Variants in ZSWIM6 observed in about 807,000 individuals in gnomAD.
ZSWIM6 encodes zinc finger SWIM domain-containing protein 6.
A neutral mutation model predicts 113.2 loss-of-function variants in ZSWIM6; 9 were observed. The ratio of observed to expected loss-of-function variants is 0.08; its 90% CI spans 0.05 to 0.14. The LOEUF is 0.14. Ranked by LOEUF, ZSWIM6 falls within the 10% of genes least tolerant of loss-of-function variation. The pLI, the probability that ZSWIM6 is intolerant of heterozygous loss-of-function variation, is 1.00. For synonymous variants in ZSWIM6, 611 were observed against 606.5 expected, an observed-to-expected ratio of 1.01 and a Z score of -0.11; for missense variants, 1,162 against 1,552.2, an observed-to-expected ratio of 0.75 and a Z score of 4.22.
At chr5:61,343,550 T>C (rs1013314292) in intron 1 of ZSWIM6, among the ~76,000 whole-genome samples, 5 of 152,224 alleles carry the variant, frequency 3.3e-5, no homozygotes, top group African/African-American at 4.8e-5. Context: ...AGCATTTTTA[T>C]GAGTGTAGTA....
chr5:61,410,795 TG>T (rs1398621523), intron 1 of ZSWIM6, among the ~76,000 whole-genome samples: 1 of 152,232 alleles, frequency 6.6e-6, no homozygotes, highest in Admixed American at 6.5e-5. Context: ...CAGGAATATT[TG>T]ACAGATTGAA....
Position 61,494,413 on chromosome 5 carries a change from A to G in ZSWIM6, c.1333+3A>G. ...CAGGCAGCTCTGGGATGAGCTGGGTAAGCATGTTTCCTCACAAATTACCAT... is the reference window on the plus strand; with the variant it reads ...CAGGCAGCTCTGGGATGAGCTGGGTGAGCATGTTTCCTCACAAATTACCAT... On this transcript the variant is annotated splice_donor_region_variant and intron_variant, in intron 4 of 13. Coordinates refer to ENST00000252744, the MANE Select transcript of ZSWIM6 (RefSeq NM_020928.2). 4 of 1,550,750 alleles carry G rather than the reference A, an allele frequency of 2.6e-6. No individual in the cohort carries two copies. The highest frequency in any genetic ancestry group is 2.4e-5 in the East Asian group (1 of 40,908).
intron 3 of ZSWIM6, among the ~76,000 whole-genome samples, chr5:61,491,710 GTCA>G (rs1748181896): frequency 6.6e-6 from 1 of 152,026 alleles, no homozygotes; most frequent in East Asian, 1.9e-4. Flanking sequence ...TGGGGGTATA[GTCA>G]TCATTATGAT....
In ZSWIM6 at chr5:61,541,893, A is replaced by G; in HGVS notation, c.2713A>G (p.Met905Val). 1.9e-6 allele frequency: 3 copies of G among 1,551,148 alleles called. No individual in the cohort carries two copies. Among genetic ancestry groups the G allele is most frequent in the Non-Finnish European group, 2.6e-6 (3 of 1,146,282 alleles). ...TACCCTGTTTTTATAGGTTATGCGA[A>G]TGACACTGTCAACCTTAAATTGGCG... ...SLELGLQVMRMTLSTLNWRRR... is the reference protein window; with the variant it reads ...SLELGLQVMRVTLSTLNWRRR... The change falls in exon 13 of 14, where the codon ATG becomes GTG. Residue 905 changes from methionine to valine, a missense_variant. By Grantham distance (21) the Met-to-Val change is conservative. This residue lies in a region of ZSWIM6 where 620 missense variants were observed against 804.6 expected (regional missense o/e 0.77). Transcript: ENST00000252744.
chr5:61,507,625 A>G (rs997721642), intron 4 of ZSWIM6, among the ~76,000 whole-genome samples: 4 of 152,198 alleles, frequency 2.6e-5, no homozygotes, highest in South Asian at 2.1e-4. Context: ...TTTGCCTGTC[A>G]GTCCTGAAAA....
chr5:61,398,538 G>C (rs568531651), intron 1 of ZSWIM6, among the ~76,000 whole-genome samples: 8 of 152,284 alleles, frequency 5.3e-5, no homozygotes, highest in African/African-American at 1.7e-4. Context: ...GGAGCCTTAA[G>C]TTCTGCATTT....
At chr5:61,470,203 G>A (rs1288708940) in intron 1 of ZSWIM6, among the ~76,000 whole-genome samples, 1 of 152,208 alleles carries the variant, frequency 6.6e-6, no homozygotes, top group Non-Finnish European at 1.5e-5. Flanking sequence ...CATTGAGTTG[G>A]TTGGTGAAGA....
Position 61,525,940 on chromosome 5 carries a change from T to G in ZSWIM6, c.1654T>G (p.Ser552Ala). The G allele has an allele frequency of 6.4e-7, 1 of 1,552,096 alleles. No individual in the cohort carries two copies. Among genetic ancestry groups the G allele is most frequent in the East Asian group, 2.4e-5 (1 of 40,914 alleles). ...NYCYHDDTEN[S>A]LFDSRGWPLW... is the part of the protein sequence containing the mutation. Reference sequence around the variant, plus strand: ...CTGTTACCATGACGACACTGAAAACTCCCTCTTCGACTCCCGCGGGTGGCC... The same window carrying G: ...CTGTTACCATGACGACACTGAAAACGCCCTCTTCGACTCCCGCGGGTGGCC... The change falls in exon 6 of 14, where the codon TCC becomes GCC. Residue 552 changes from serine to alanine, a missense_variant. Coordinates refer to ENST00000252744, the MANE Select transcript of ZSWIM6 (RefSeq NM_020928.2).
At chr5:61,503,049 C>G (rs1748516301) in intron 4 of ZSWIM6, among the ~76,000 whole-genome samples, 1 of 152,132 alleles carries the variant, frequency 6.6e-6, no homozygotes, top group African/African-American at 2.4e-5. Flanking sequence ...TAGGGGAAGG[C>G]AAGATGGCAG....
chr5:61,385,082 T>G (rs1331554645), intron 1 of ZSWIM6, among the ~76,000 whole-genome samples: 1 of 152,046 alleles, frequency 6.6e-6, no homozygotes, highest in African/African-American at 2.4e-5. Flanking sequence ...TGGAGGAAAC[T>G]CCTGCAGTCC....
At chr5:61,425,472 C>T (rs1368428911) in intron 1 of ZSWIM6, among the ~76,000 whole-genome samples, 1 of 152,162 alleles carries the variant, frequency 6.6e-6, no homozygotes, top group Non-Finnish European at 1.5e-5. Flanking sequence ...AAGCACCATG[C>T]TTAGAAGACA....
chr5:61,472,613 G>C lies in ZSWIM6; in HGVS notation c.677-68G>C. ...GCTGTCAAGTCCCACACATTTCAAA[G>C]AATTAGAGCATTTCATAGCATCTGA... On this transcript the variant is annotated intron_variant, in intron 1 of 13. Transcript: ENST00000252744. The surrounding 1 kb of genome is among the most constrained non-coding windows in gnomAD (Gnocchi z 4.1). 7.9e-7 allele frequency: 1 copy of C among 1,267,342 alleles called. No individual in the cohort carries two copies. The highest frequency in any genetic ancestry group is 1.1e-6 in the Non-Finnish European group (1 of 940,348). The allele number at this position is 1,267,342 out of a possible 1,614,324, so 78.5% of individuals were successfully genotyped here. A position where few individuals can be genotyped will look rare whatever the true frequency, so the allele number is the denominator to read the frequency against.
chr5:61,338,023 C>A (rs984132479), intron 1 of ZSWIM6, among the ~76,000 whole-genome samples: 2 of 151,918 alleles, frequency 1.3e-5, no homozygotes, highest in African/African-American at 4.8e-5. Context: ...GAAGGAGATA[C>A]ATTTTAAAAG....
At chr5:61,349,458 A>G (rs185676739) in intron 1 of ZSWIM6, among the ~76,000 whole-genome samples, 10 of 152,220 alleles carry the variant, frequency 6.6e-5, no homozygotes, top group Admixed American at 3.9e-4. Flanking sequence ...TCTAATTTCT[A>G]TTTGATTTTC....
chr5:61,388,713 C>T (rs1163080032), intron 1 of ZSWIM6, among the ~76,000 whole-genome samples: 2 of 152,182 alleles, frequency 1.3e-5, no homozygotes, highest in Admixed American at 6.5e-5. Flanking sequence ...TCAAAAATAT[C>T]TATACTCTTA....
chr5:61,408,254 G>C (rs768659751), intron 1 of ZSWIM6, among the ~76,000 whole-genome samples: 3 of 152,222 alleles, frequency 2.0e-5, no homozygotes, highest in Non-Finnish European at 4.4e-5. Flanking sequence ...GAATACAAGA[G>C]AAGTAACAAT....
In ZSWIM6 at chr5:61,342,849, C is replaced by G. The variant is rs10062958; in HGVS notation, c.676+9901C>G. ...AGTGTTAAGTACATTTACATTGTTA[C>G]GCAAATAATCTCCAGAACTCTAAAA... is the stretch of plus-strand genomic sequence containing the variant. On this transcript the variant is annotated intron_variant, in intron 1 of 13. Coordinates refer to ENST00000252744, the MANE Select transcript of ZSWIM6 (RefSeq NM_020928.2). Among the ~76,000 whole-genome samples, 532 of 139,808 alleles carry G rather than the reference C, an allele frequency of 3.8e-3. 4 individuals are homozygous for G. The highest frequency in any genetic ancestry group is 0.013 in the African/African-American group (514 of 40,368). 91.7% of individuals were successfully genotyped at this position (139,808 alleles called of 152,430 possible). A position where few individuals can be genotyped will look rare whatever the true frequency, so the allele number is the denominator to read the frequency against.
chr5:61,417,466 G>A (rs1037948549), intron 1 of ZSWIM6, among the ~76,000 whole-genome samples: 1 of 152,130 alleles, frequency 6.6e-6, no homozygotes, highest in East Asian at 1.9e-4. Context: ...TTTCCTATGG[G>A]TACTGTTTTT....
chr5:61,536,729 G>C (rs138916361), intron 10 of ZSWIM6, among the ~76,000 whole-genome samples: 1 of 152,334 alleles, frequency 6.6e-6, no homozygotes, highest in East Asian at 1.9e-4. Flanking sequence ...GTGTCTGTGT[G>C]TATACCTATG....
Sources: gnomAD v4.1 joint callset for allele counts (sites outside exome capture counted in the v4.1 genomes callset) on GRCh38, gnomAD v4.1.1 for gene constraint, gnomAD v4.1.1 regional missense constraint, Gnocchi (gnomAD v3.1) non-coding constraint, MANE v1.5 for transcripts, NCBI Gene and HGNC (gene_info 2026-07-23, HGNC 2026-07-21) for gene names.